Variants in CADPS2 observed in about 807,000 individuals in gnomAD.
CADPS2 encodes the protein calcium-dependent secretion activator 2.
CADPS2 carries 93 observed loss-of-function variants against 172.5 expected under a neutral mutation model. The ratio of observed to expected loss-of-function variants is 0.54; its 90% CI spans 0.46 to 0.64. The LOEUF (loss-of-function observed/expected upper bound fraction) is 0.64. Among genes scored for constraint, CADPS2 ranks in the 30% least tolerant of loss-of-function variants. The pLI, the probability that CADPS2 is intolerant of heterozygous loss-of-function variation, is 0.00. For missense variants in CADPS2, 1,420 were observed against 1,565.9 expected (o/e 0.91, Z 1.57); for synonymous variants, 546 against 555.2 (o/e 0.98, Z 0.23).
intron 7 of CADPS2, among the ~76,000 whole-genome samples, chr7:122,578,884 A>G (rs975030558): frequency 6.6e-6 from 1 of 152,092 alleles, no homozygotes; most frequent in Non-Finnish European, 1.5e-5. Context: ...CAAATACAGA[A>G]AAAGCTCACA....
At chr7:122,375,089 A>G (rs1452528699) in intron 25 of CADPS2, among the ~76,000 whole-genome samples, 3 of 152,180 alleles carry the variant, frequency 2.0e-5, no homozygotes, top group Admixed American at 1.3e-4. Context: ...ATGAATTACA[A>G]TAATTATTAT....
intron 2 of CADPS2, among the ~76,000 whole-genome samples, chr7:122,706,153 T>C (rs565713887): frequency 8.5e-5 from 5 of 59,150 alleles, no homozygotes; most frequent in African/African-American, 1.4e-4. Flanking sequence ...TCAAGGAATA[T>C]ATATATGCTT....
At chr7:122,541,878 T>C (rs1039600000) in intron 8 of CADPS2, among the ~76,000 whole-genome samples, 13 of 131,082 alleles carry the variant, frequency 9.9e-5, no homozygotes, top group Admixed American at 5.4e-4. Flanking sequence ...CATATATATT[T>C]ATATATATTC....
rs796753043 is a variant in CADPS2, at chr7:122,533,938, C to T, written c.1475+20612G>A. ...ACAAATAATGGGGTGTATGAGAGAA[C>T]GTCCAAGATTTCCATTTAGCCGAAC... On this transcript the variant is annotated intron_variant, in intron 8 of 29. Transcript: ENST00000449022. Among the ~76,000 whole-genome samples, 6 of 152,020 alleles carry T rather than the reference C, an allele frequency of 3.9e-5. No homozygotes were observed. The South Asian group carries it at 6.2e-4, about 16-fold the overall frequency.
chr7:122,397,242 A>C (rs984347272), intron 20 of CADPS2, among the ~76,000 whole-genome samples: 1 of 152,172 alleles, frequency 6.6e-6, no homozygotes, highest in Non-Finnish European at 1.5e-5. Flanking sequence ...GATTACCTAT[A>C]TTTCCTATGA....
chr7:122,876,765 T>C (rs1821326554), intron 1 of CADPS2, among the ~76,000 whole-genome samples: 1 of 152,198 alleles, frequency 6.6e-6, no homozygotes, highest in South Asian at 2.1e-4. Flanking sequence ...AATTATGTTA[T>C]ATCTGAAAAT....
intron 2 of CADPS2, chr7:122,676,835 A>G (rs1029830197): frequency 1.0e-5 from 6 of 600,432 alleles, no homozygotes; most frequent in Admixed American, 5.7e-5. Flanking sequence ...GCTTGGTGAC[A>G]GTATTTTTTT....
At chr7:122,447,887 CT>C (rs1221726528) in intron 15 of CADPS2, among the ~76,000 whole-genome samples, 3 of 152,032 alleles carry the variant, frequency 2.0e-5, no homozygotes, top group African/African-American at 4.8e-5. Context: ...TTGTTTCCCC[CT>C]GGTTTTGGTA....
chr7:122,816,713 T>G (rs571844196), intron 1 of CADPS2, among the ~76,000 whole-genome samples: 4 of 152,340 alleles, frequency 2.6e-5, no homozygotes, highest in African/African-American at 4.8e-5. Flanking sequence ...CCTGTCTTTT[T>G]TGTAAAAGTC....
intron 9 of CADPS2, among the ~76,000 whole-genome samples, chr7:122,503,576 T>C (rs2059388422): frequency 6.6e-6 from 1 of 152,184 alleles, no homozygotes; most frequent in Non-Finnish European, 1.5e-5. Flanking sequence ...TTTACAGAGA[T>C]ATACTCCTTT....
intron 1 of CADPS2, among the ~76,000 whole-genome samples, chr7:122,867,696 T>C (rs547382200): frequency 2.0e-5 from 3 of 152,236 alleles, no homozygotes; most frequent in East Asian, 3.9e-4. Flanking sequence ...TAAACCTGCA[T>C]AGCAAATAAA....
chr7:122,433,890 C>T (rs1002359727), intron 17 of CADPS2, among the ~76,000 whole-genome samples: 1 of 152,124 alleles, frequency 6.6e-6, no homozygotes, highest in Non-Finnish European at 1.5e-5. Context: ...GGAGATCAGG[C>T]AACTCTACAC....
intron 25 of CADPS2, among the ~76,000 whole-genome samples, 169 bp from the exon 26 acceptor site, chr7:122,361,182 A>G (rs2040074286): frequency 6.6e-6 from 1 of 151,098 alleles, no homozygotes; most frequent in South Asian, 2.1e-4. Flanking sequence ...TCTGAACATG[A>G]ACTCTACTGT....
At chr7:122,823,053 G>A (rs531130297) in intron 1 of CADPS2, among the ~76,000 whole-genome samples, 2 of 152,242 alleles carry the variant, frequency 1.3e-5, no homozygotes, top group African/African-American at 4.8e-5. Context: ...GTATTTCTCT[G>A]ATAATTAGTG....
intron 1 of CADPS2, among the ~76,000 whole-genome samples, chr7:122,862,181 T>C (rs1817112298): frequency 6.6e-6 from 1 of 152,170 alleles, no homozygotes; most frequent in East Asian, 1.9e-4. Context: ...GAGGTAAAAG[T>C]GGAGAGATTA....
At chr7:122,746,271 C>T (rs2092714267) in intron 1 of CADPS2, among the ~76,000 whole-genome samples, 1 of 152,124 alleles carries the variant, frequency 6.6e-6, no homozygotes, top group Admixed American at 6.6e-5. Flanking sequence ...TGGTCACTAA[C>T]CACATGCAGC....
rs368990088 is a variant in CADPS2, at chr7:122,388,787, T to G, written c.3009-49A>C. The G allele has an allele frequency of 2.0e-5, 30 of 1,520,702 alleles. No individual in the cohort carries two copies. The African/African-American group carries it at 3.4e-4, about 17-fold the overall frequency. 94.2% of individuals were successfully genotyped at this position (1,520,702 alleles called of 1,614,324 possible). A position where few individuals can be genotyped will look rare whatever the true frequency, so the allele number is the denominator to read the frequency against. ...CATCATGAACTCCCCGTTAATTAGG[T>G]ATACCATTAATACATTGTTTTTTCT... is the stretch of plus-strand genomic sequence containing the variant. On this transcript the variant is annotated intron_variant, in intron 22 of 29. Coordinates refer to ENST00000449022, the MANE Select transcript of CADPS2 (RefSeq NM_017954.11).
chr7:122,645,511 TACTTA>T, intron 3 of CADPS2, among the ~76,000 whole-genome samples: 1 of 122,990 alleles, frequency 8.1e-6, no homozygotes, highest in African/African-American at 3.0e-5. Flanking sequence ...AGTATATATA[TACTTA>T]TATATATATA....
At chr7:122,768,687 T>C (rs1268299227) in intron 1 of CADPS2, among the ~76,000 whole-genome samples, 2 of 152,212 alleles carry the variant, frequency 1.3e-5, no homozygotes, top group African/African-American at 2.4e-5. Context: ...AAAATCATAC[T>C]GTGGATAATT....
Sources: gnomAD v4.1 joint callset for allele counts (sites outside exome capture counted in the v4.1 genomes callset) on GRCh38, gnomAD v4.1.1 for gene constraint, MANE v1.5 for transcripts, NCBI Gene and HGNC (gene_info 2026-07-23, HGNC 2026-07-21) for gene names.